ERC2: variants seen among roughly 807,000 people sequenced by gnomAD.
ERC2 encodes ELKS/RAB6-interacting/CAST family member 2, also known as ERC protein 2.
ERC2 carries 42 observed loss-of-function variants against 114.8 expected under a neutral mutation model. The observed-to-expected ratio is 0.37, with a 90% CI of 0.29 to 0.47. The LOEUF is 0.47. ERC2 is among the 20% of genes least tolerant of loss of function. ERC2 has a pLI of 0.99. For synonymous variants in ERC2, 454 were observed against 425.5 expected, an observed-to-expected ratio of 1.07 and a Z score of -0.82; for missense variants, 939 against 1,150.7, an observed-to-expected ratio of 0.82 and a Z score of 2.66.
intron 14 of ERC2, among the ~76,000 whole-genome samples, chr3:55,799,445 A>G (rs1252620472): frequency 8.5e-6 from 1 of 118,302 alleles, no homozygotes; most frequent in Non-Finnish European, 1.6e-5. Flanking sequence ...CCTTATATAT[A>G]TATGCATATA....
At position 55,535,331 on chromosome 3, in the gene ERC2, A is replaced by T. The variant is rs148271950; in HGVS notation, c.*40-24055T>A. 2.7e-3 allele frequency among the ~76,000 whole-genome samples: 404 copies of T among 152,328 alleles called. 1 individual carries two copies. The highest frequency in any genetic ancestry group is 9.4e-3 in the African/African-American group (389 of 41,564). ...AGCCAACTTGCTGGAATTCCACTGCATGACTGCCTTCCAAATTCAACTAAG... is the reference window on the plus strand; with the variant it reads ...AGCCAACTTGCTGGAATTCCACTGCTTGACTGCCTTCCAAATTCAACTAAG... On this transcript the variant is annotated intron_variant, in intron 17 of 17. Coordinates refer to ENST00000288221, the MANE Select transcript of ERC2 (RefSeq NM_015576.3).
At position 56,378,962 on chromosome 3, in the gene ERC2, T is replaced by C. The variant is rs771524742; in HGVS notation, c.657+55389A>G. On this transcript the variant is annotated intron_variant, in intron 2 of 17. Coordinates refer to ENST00000288221, the MANE Select transcript of ERC2 (RefSeq NM_015576.3). ...TTTTCTAGTAGCCACATTTTAAAAATATAAAAACAAATAGGTGAAATCCAT... is the reference window on the plus strand; with the variant it reads ...TTTTCTAGTAGCCACATTTTAAAAACATAAAAACAAATAGGTGAAATCCAT... Among the ~76,000 whole-genome samples the C allele has an allele frequency of 5.3e-5, 8 of 152,174 alleles. 1 individual carries two copies. The highest frequency in any genetic ancestry group is 1.0e-4 in the Non-Finnish European group (7 of 68,008).
At chr3:55,590,838 T>G (rs1476760054) in intron 17 of ERC2, among the ~76,000 whole-genome samples, 2 of 152,158 alleles carry the variant, frequency 1.3e-5, no homozygotes, top group African/African-American at 4.8e-5. Context: ...ATAACATTTT[T>G]TTTTCTTTGA....
chr3:55,603,124 A>G (rs2058481149), intron 17 of ERC2, among the ~76,000 whole-genome samples: 1 of 152,094 alleles, frequency 6.6e-6, no homozygotes, highest in Admixed American at 6.5e-5. Flanking sequence ...CTTAAGAAGC[A>G]TTTCCCCCTT....
intron 12 of ERC2, among the ~76,000 whole-genome samples, chr3:55,954,868 T>C (rs922071260): frequency 1.3e-5 from 2 of 151,760 alleles, no homozygotes. Context: ...ATAAATAATA[T>C]ATAAACATTT....
intron 3 of ERC2, among the ~76,000 whole-genome samples, chr3:56,188,474 G>A (rs1470165707): frequency 6.6e-6 from 1 of 152,200 alleles, no homozygotes; most frequent in Non-Finnish European, 1.5e-5. Context: ...GATCGCAGGA[G>A]CAGAGGGCGG....
intron 14 of ERC2, among the ~76,000 whole-genome samples, chr3:55,781,627 T>G (rs1398504786): frequency 6.6e-6 from 1 of 151,832 alleles, no homozygotes; most frequent in Non-Finnish European, 1.5e-5. Context: ...ATCCCAGCAC[T>G]TTGGGAGGCC....
chr3:56,178,321 G>A (rs2083093070), intron 3 of ERC2, among the ~76,000 whole-genome samples: 1 of 152,122 alleles, frequency 6.6e-6, no homozygotes, highest in Non-Finnish European at 1.5e-5. Context: ...TTATTGTTCT[G>A]TAAATCTATT....
At chr3:56,369,276 A>C (rs1231047153) in intron 2 of ERC2, among the ~76,000 whole-genome samples, 1 of 152,184 alleles carries the variant, frequency 6.6e-6, no homozygotes, top group African/African-American at 2.4e-5. Context: ...CACTCCTTTG[A>C]TCTTACTGAT....
At chr3:56,318,961 CAAA>C (rs35256298) in intron 2 of ERC2, among the ~76,000 whole-genome samples, 13 of 81,584 alleles carry the variant, frequency 1.6e-4, no homozygotes, top group African/African-American at 1.9e-4. Context: ...GACCCTGTCT[CAAA>C]AAAAAAAAAA....
chr3:56,434,680 A>C lies in ERC2; in HGVS notation c.328T>G (p.Ser110Ala). Residue 110 changes from serine (S) to alanine (A), a missense_variant, in exon 2 of 18, where the codon TCC becomes GCC. Physicochemically the swap from Ser to Ala is moderately conservative, Grantham distance 99 (BLOSUM62 1). Coordinates refer to ENST00000288221, the MANE Select transcript of ERC2 (RefSeq NM_015576.3). ...GTGTATGAAAGGACATCTGTGTGGG[A>C]AAGTCCAGCAGAAGCAATATTGGGA... ...SSPNIASAGL[S>A]HTDVLSYTDQ... The C allele has an allele frequency of 6.2e-7, 1 of 1,613,978 alleles. No homozygotes were observed. The highest frequency in any genetic ancestry group is 1.1e-5 in the South Asian group (1 of 91,080).
intron 7 of ERC2, among the ~76,000 whole-genome samples, chr3:56,056,232 G>T (rs1009740763): frequency 6.6e-6 from 1 of 152,164 alleles, no homozygotes; most frequent in African/African-American, 2.4e-5. Context: ...AGGACATAAG[G>T]TTTGGTCTGC....
chr3:55,910,526 A>G (rs143487127), intron 13 of ERC2, among the ~76,000 whole-genome samples: 11 of 152,354 alleles, frequency 7.2e-5, no homozygotes, highest in African/African-American at 2.6e-4. Flanking sequence ...AATGAGAGAT[A>G]AACCAAATAT....
chr3:56,339,788 T>C (rs956525220), intron 2 of ERC2, among the ~76,000 whole-genome samples: 9 of 152,018 alleles, frequency 5.9e-5, no homozygotes, highest in South Asian at 4.1e-4. Flanking sequence ...GTATAAACAA[T>C]AGGGACAACA....
At chr3:55,980,100 A>G (rs2069979172) in intron 12 of ERC2, among the ~76,000 whole-genome samples, 1 of 147,222 alleles carries the variant, frequency 6.8e-6, no homozygotes. Flanking sequence ...CACGAAGTGT[A>G]AATTAGAAAA....
At chr3:55,997,260 A>G (rs781733303) in intron 10 of ERC2, among the ~76,000 whole-genome samples, 2 of 145,790 alleles carry the variant, frequency 1.4e-5, no homozygotes, top group African/African-American at 5.1e-5. Context: ...TTTAGCAATA[A>G]TTTGCTAAAT....
At chr3:56,322,358 C>T (rs1576427191) in intron 2 of ERC2, among the ~76,000 whole-genome samples, 2 of 152,166 alleles carry the variant, frequency 1.3e-5, no homozygotes, top group Non-Finnish European at 1.5e-5. Flanking sequence ...TATGATTTTG[C>T]CACCACTTGC....
At chr3:55,753,301 A>G (rs2066836701) in intron 14 of ERC2, among the ~76,000 whole-genome samples, 1 of 152,216 alleles carries the variant, frequency 6.6e-6, no homozygotes, top group Admixed American at 6.5e-5. Context: ...CAGTCATCCA[A>G]TTTTATATAT....
intron 6 of ERC2, among the ~76,000 whole-genome samples, chr3:56,134,754 T>A (rs2080396342): frequency 6.6e-6 from 1 of 152,158 alleles, no homozygotes; most frequent in Admixed American, 6.5e-5. Context: ...TATTATAGAA[T>A]CCTTCTCTGG....
Sources: gnomAD v4.1 joint callset for allele counts (sites outside exome capture counted in the v4.1 genomes callset) on GRCh38, gnomAD v4.1.1 for gene constraint, MANE v1.5 for transcripts, NCBI Gene and HGNC (gene_info 2026-07-23, HGNC 2026-07-21) for gene names.